Variants in PPARGC1A observed in about 807,000 individuals in gnomAD.
PPARGC1A encodes peroxisome proliferator-activated receptor gamma coactivator 1-alpha.
A neutral mutation model predicts 88.7 loss-of-function variants in PPARGC1A; 25 were observed. The observed-to-expected ratio is 0.28, with a 90% CI of 0.21 to 0.39. The LOEUF (loss-of-function observed/expected upper bound fraction) is 0.39, where lower values mean the gene tolerates loss of function less well. PPARGC1A is among the 10% of genes least tolerant of loss of function. PPARGC1A has a pLI of 1.00. For synonymous variants in PPARGC1A, 363 were observed against 355.6 expected, an observed-to-expected ratio of 1.02 and a Z score of -0.24; for missense variants, 880 against 968.7, an observed-to-expected ratio of 0.91 and a Z score of 1.22.
intron 2 of PPARGC1A, among the ~76,000 whole-genome samples, chr4:23,870,134 G>A (rs746007482): frequency 4.6e-5 from 7 of 152,074 alleles, no homozygotes; most frequent in Non-Finnish European, 5.9e-5. Flanking sequence ...CTAAAACTAC[G>A]TGTTTGTGTT....
At chr4:24,320,741 A>C in the PPARGC1A span, among the ~76,000 whole-genome samples, 2 of 152,150 alleles carry the variant, frequency 1.3e-5, no homozygotes, top group African/African-American at 4.8e-5. Flanking sequence ...ACATAAAAAC[A>C]CCACTCCTAG....
Position 23,798,820 on chromosome 4 carries a change from G to T in PPARGC1A, c.2294-2895C>A, listed in dbSNP as rs191019573. On this transcript the variant is annotated intron_variant, in intron 12 of 12. Transcript: ENST00000264867. The stretch of plus-strand genomic sequence containing the variant: ...TTCATGGCAACTAGAACTTAAATCT[G>T]GGCTTCACTGTTTTAACCTTGATCA... Among the ~76,000 whole-genome samples, 6 of 152,066 alleles carry T rather than the reference G, an allele frequency of 3.9e-5. No individual in the cohort carries two copies. In the South Asian group the frequency reaches 1.2e-3, roughly 32 times the overall value.
the PPARGC1A span, among the ~76,000 whole-genome samples, chr4:23,972,502 T>C: frequency 1.3e-5 from 2 of 152,208 alleles, no homozygotes; most frequent in African/African-American, 2.4e-5. Flanking sequence ...CTTGATGGAA[T>C]ATACATGTGC....
the PPARGC1A span, among the ~76,000 whole-genome samples, chr4:24,318,140 T>G: frequency 6.6e-6 from 1 of 152,340 alleles, no homozygotes; most frequent in South Asian, 2.1e-4. Context: ...TTTAATGATT[T>G]GTCAAATGAA....
chr4:23,910,245 A>AAATATATATTATATATAATATATAT, the PPARGC1A span, among the ~76,000 whole-genome samples: 2 of 106,158 alleles, frequency 1.9e-5, no homozygotes, highest in Non-Finnish European at 3.6e-5. Context: ...TAATATATAT[A>AAATATATATTATATATAATATATAT]AATATATATT....
chr4:23,835,606 T>C (rs1467347299), intron 2 of PPARGC1A, among the ~76,000 whole-genome samples: 3 of 152,108 alleles, frequency 2.0e-5, no homozygotes, highest in Non-Finnish European at 4.4e-5. Flanking sequence ...GATTATTCGA[T>C]ATTATTGTTA....
the PPARGC1A span, among the ~76,000 whole-genome samples, chr4:24,305,415 C>G: frequency 6.6e-6 from 1 of 152,064 alleles, no homozygotes; most frequent in Non-Finnish European, 1.5e-5. Context: ...TCTCCATTTC[C>G]TGATCTATAA....
At chr4:24,167,296 A>C in the PPARGC1A span, among the ~76,000 whole-genome samples, 1 of 152,342 alleles carries the variant, frequency 6.6e-6, no homozygotes, top group South Asian at 2.1e-4. Context: ...TCTCATGATC[A>C]AACTTTCATG....
the PPARGC1A span, among the ~76,000 whole-genome samples, chr4:23,931,253 C>T: frequency 6.6e-6 from 1 of 151,974 alleles, no homozygotes; most frequent in Non-Finnish European, 1.5e-5. Context: ...AAACTCGGAC[C>T]CCCAAAGGGA....
chr4:23,859,773 A>C (rs1241117684), intron 2 of PPARGC1A, among the ~76,000 whole-genome samples: 1 of 149,622 alleles, frequency 6.7e-6, no homozygotes, highest in Non-Finnish European at 1.5e-5. Flanking sequence ...AGTGCAAGAC[A>C]CCGTCTCAAA....
the PPARGC1A span, among the ~76,000 whole-genome samples, chr4:24,402,124 A>AAT: frequency 6.6e-6 from 1 of 152,152 alleles, no homozygotes; most frequent in Non-Finnish European, 1.5e-5. Context: ...GTGGCAGCAG[A>AAT]ATACAGGAAA....
chr4:24,384,267 C>A, the PPARGC1A span, among the ~76,000 whole-genome samples: 36 of 152,088 alleles, frequency 2.4e-4, no homozygotes, highest in Non-Finnish European at 2.4e-4. Context: ...CGATACCAGC[C>A]ACTGCAAAAA....
At chr4:24,208,137 T>C in the PPARGC1A span, among the ~76,000 whole-genome samples, 2 of 152,128 alleles carry the variant, frequency 1.3e-5, no homozygotes, top group South Asian at 4.2e-4. Flanking sequence ...TTAAAAATTA[T>C]CTGGGCGCAT....
At chr4:23,924,876 G>A in the PPARGC1A span, among the ~76,000 whole-genome samples, 3 of 152,068 alleles carry the variant, frequency 2.0e-5, no homozygotes, top group African/African-American at 7.2e-5. Flanking sequence ...CACCAAACAG[G>A]AGAAAGGTGG....
the PPARGC1A span, among the ~76,000 whole-genome samples, chr4:23,983,588 C>T: frequency 2.0e-5 from 3 of 151,870 alleles, no homozygotes; most frequent in African/African-American, 4.8e-5. Context: ...TGTGAAGATG[C>T]AAAATCTAAG....
chr4:24,180,746 G>C, the PPARGC1A span, among the ~76,000 whole-genome samples: 1 of 152,280 alleles, frequency 6.6e-6, no homozygotes, highest in East Asian at 1.9e-4. Context: ...CTTTGAGGCT[G>C]TGAAACTCCT....
chr4:24,191,587 G>A, the PPARGC1A span, among the ~76,000 whole-genome samples: 1 of 152,122 alleles, frequency 6.6e-6, no homozygotes, highest in Non-Finnish European at 1.5e-5. Context: ...AGCCATCCAC[G>A]TAAATGCTAG....
chr4:24,471,625 C>A, the PPARGC1A span, among the ~76,000 whole-genome samples: 1 of 152,214 alleles, frequency 6.6e-6, no homozygotes, highest in Non-Finnish European at 1.5e-5. This position sits in a 1 kb window ranked among gnomAD's most constrained non-coding sequence, Gnocchi z 5.4. Flanking sequence ...TCCACGCCCC[C>A]CTTCCGGCGT....
intron 12 of PPARGC1A, among the ~76,000 whole-genome samples, chr4:23,799,105 A>G (rs1462263864): frequency 6.6e-6 from 1 of 152,172 alleles, no homozygotes; most frequent in Non-Finnish European, 1.5e-5. Flanking sequence ...ATTGTGACAT[A>G]TGTGTATGCT....
Sources: gnomAD v4.1 joint callset for allele counts (sites outside exome capture counted in the v4.1 genomes callset) on GRCh38, gnomAD v4.1.1 for gene constraint, Gnocchi (gnomAD v3.1) non-coding constraint, MANE v1.5 for transcripts, NCBI Gene and HGNC (gene_info 2026-07-23, HGNC 2026-07-21) for gene names.